Variants in JOSD1 observed in about 807,000 individuals in gnomAD.
JOSD1 encodes josephin-1.
A neutral mutation model predicts 24.3 loss-of-function variants in JOSD1; 11 were observed. That is an observed-to-expected ratio of 0.45 (90% confidence interval 0.29 to 0.75). The LOEUF is 0.75. JOSD1 is among the 30% of genes least tolerant of loss of function. The pLI is 0.11. For synonymous variants in JOSD1, 106 were observed against 93.8 expected, an observed-to-expected ratio of 1.13 and a Z score of -0.75; for missense variants, 184 against 253.5, an observed-to-expected ratio of 0.73 and a Z score of 1.86.
rs965926165 is a variant in JOSD1, at chr22:38,686,748, T to C, written c.*1154A>G. The C allele has an allele frequency of 6.6e-6, 1 of 152,202 alleles. No homozygotes were observed. The highest frequency in any genetic ancestry group is 6.5e-5 in the Admixed American group (1 of 15,272). 9.4% of individuals were successfully genotyped at this position (152,202 alleles called of 1,614,324 possible). ...GGCTGCCCCTACTCCAAGAAGCCTG[T>C]CTTCACAATACTTTCCTCACCCAAC... On this transcript the variant is annotated 3_prime_UTR_variant, in exon 5 of 5. Transcript: ENST00000683374.
At chr22:38,689,481 C>A in intron 2 of JOSD1, 57 bp from the exon 3 acceptor site, 1 of 1,604,560 alleles carries the variant, frequency 6.2e-7, no homozygotes, top group Non-Finnish European at 8.5e-7. Flanking sequence ...CCCCCTGACC[C>A]CGCACTACCA....
chr22:38,687,713 T>C lies in JOSD1; in HGVS notation c.*189A>G, dbSNP rs948829461. 5 of 559,762 alleles carry C rather than the reference T, an allele frequency of 8.9e-6. No homozygotes were observed. The highest frequency in any genetic ancestry group is 7.6e-5 in the African/African-American group (4 of 52,532). The allele number at this position is 559,762 out of a possible 1,614,324, so 34.7% of individuals were successfully genotyped here. On this transcript the variant is annotated 3_prime_UTR_variant, in exon 5 of 5. Transcript: ENST00000683374. ...AAGTGCACAGAACTCCTACCTTCCT[T>C]GCCCAGGAACAAAACACTGAGTAGT...
intron 2 of JOSD1, among the ~76,000 whole-genome samples, chr22:38,691,995 T>G (rs907102615): frequency 2.0e-5 from 3 of 152,206 alleles, no homozygotes; most frequent in Non-Finnish European, 4.4e-5. Context: ...CAGTGTTTAT[T>G]TTTGTTGTCC....
chr22:38,698,910 C>A (rs551754255), intron 2 of JOSD1, among the ~76,000 whole-genome samples: 29 of 152,284 alleles, frequency 1.9e-4, no homozygotes, highest in Non-Finnish European at 3.8e-4. Flanking sequence ...GCGTGCACCA[C>A]CACACCGGGC....
intron 2 of JOSD1, among the ~76,000 whole-genome samples, chr22:38,694,708 A>G (rs1452414579): frequency 2.0e-5 from 3 of 151,954 alleles, no homozygotes; most frequent in Non-Finnish European, 4.4e-5. Flanking sequence ...TAAAAATACA[A>G]AAAAGTAGCC....
At position 38,687,911 on chromosome 22, in the gene JOSD1, G is replaced by A. The variant is rs771930267; in HGVS notation, c.600C>T (p.Thr200=). 1.6e-5 allele frequency: 25 copies of A among 1,610,512 alleles called. No homozygotes were observed. The East Asian group carries it at 3.6e-4, about 23-fold the overall frequency. The change falls in exon 5 of 5, where the codon ACC becomes ACT. Residue 200 remains threonine, a synonymous_variant. Coordinates refer to ENST00000683374, the MANE Select transcript of JOSD1 (RefSeq NM_001360236.2). ...EEVEAHQSWR[T]DV ...AGGTTGGGCAGAACTGTTACACATC[G>A]GTCCTCCAACTCTGATGAGCCTCTA... is the stretch of plus-strand genomic sequence containing the variant.
At chr22:38,700,955 GGCGC>G, upstream of JOSD1, 1 of 984,836 alleles carries the variant, frequency 1.0e-6, no homozygotes, top group African/African-American at 1.7e-5. Context: ...CGTGCGGGCG[GGCGC>G]GCGCACCTGA....
rs2092497377 is a variant in JOSD1, at chr22:38,686,280, A to G, written c.*1622T>C. ...GTGCAGAAAAAGTGCTGGTGTCAAC[A>G]TGCACTCCAGTCACAGGGGGGAGAA... On this transcript the variant is annotated 3_prime_UTR_variant, in exon 5 of 5. Transcript: ENST00000683374. 1 of 152,548 alleles carries G rather than the reference A, an allele frequency of 6.6e-6. No individual in the cohort carries two copies. Among genetic ancestry groups the G allele is most frequent in the Admixed American group, 6.6e-5 (1 of 15,264 alleles). The allele number at this position is 152,548 out of a possible 1,614,324, so 9.4% of individuals were successfully genotyped here.
At position 38,699,399 on chromosome 22, in the gene JOSD1, A is replaced by C. The variant is rs188755197; in HGVS notation, c.185+404T>G. Among the ~76,000 whole-genome samples, 497 of 152,352 alleles carry C rather than the reference A, an allele frequency of 3.3e-3. 1 individual carries two copies. Among genetic ancestry groups the C allele is most frequent in the African/African-American group, 0.011 (467 of 41,570 alleles). On this transcript the variant is annotated intron_variant, in intron 2 of 4. Coordinates refer to ENST00000683374, the MANE Select transcript of JOSD1 (RefSeq NM_001360236.2). ...GTATCTAGTCCCACTTCTAGACTGT[A>C]AACTCCTCGGCAGCAGAGCTTTACA...
At chr22:38,699,305 A>G (rs1290574126) in intron 2 of JOSD1, among the ~76,000 whole-genome samples, 3 of 152,236 alleles carry the variant, frequency 2.0e-5, no homozygotes, top group Non-Finnish European at 4.4e-5. Flanking sequence ...AAAGCTGAGC[A>G]TTGTTTATAC....
intron 2 of JOSD1, among the ~76,000 whole-genome samples, chr22:38,692,118 A>G (rs1380446682): frequency 1.3e-5 from 2 of 152,216 alleles, no homozygotes; most frequent in Non-Finnish European, 2.9e-5. Context: ...AATAATAACT[A>G]TAACTTATTG....
At chr22:38,692,805 A>G (rs937214094) in intron 2 of JOSD1, among the ~76,000 whole-genome samples, 2 of 147,672 alleles carry the variant, frequency 1.4e-5, no homozygotes, top group African/African-American at 5.1e-5. Flanking sequence ...AAAAAAAAAA[A>G]GAAAGAAAAA....
At chr22:38,695,308 A>G (rs1374321841) in intron 2 of JOSD1, among the ~76,000 whole-genome samples, 1 of 152,150 alleles carries the variant, frequency 6.6e-6, no homozygotes, top group Non-Finnish European at 1.5e-5. Flanking sequence ...CTGCTCAAGG[A>G]CTATGTAATG....
At chr22:38,698,807 T>G (rs189791674) in intron 2 of JOSD1, among the ~76,000 whole-genome samples, 11 of 152,190 alleles carry the variant, frequency 7.2e-5, no homozygotes, top group Non-Finnish European at 1.3e-4. Flanking sequence ...CAGGCTGGAG[T>G]GCAGAGTGGT....
chr22:38,690,449 C>G (rs1434119407), intron 2 of JOSD1, among the ~76,000 whole-genome samples: 1 of 151,682 alleles, frequency 6.6e-6, no homozygotes, highest in Non-Finnish European at 1.5e-5. Flanking sequence ...GTCGCCCAGG[C>G]TGGAGTGTGA....
upstream of JOSD1, chr22:38,701,214 C>G (rs187538980): frequency 6.5e-6 from 1 of 154,384 alleles, no homozygotes; most frequent in Admixed American, 6.5e-5. Context: ...CCAGCCGCTC[C>G]GCTCGGCGCG....
chr22:38,698,791 G>A (rs977763762), intron 2 of JOSD1, among the ~76,000 whole-genome samples: 3 of 152,066 alleles, frequency 2.0e-5, no homozygotes, highest in Non-Finnish European at 2.9e-5. Flanking sequence ...TCCGAGACCC[G>A]TCACCCAGGC....
At chr22:38,689,531 G>T (rs2092512761) in intron 2 of JOSD1, 107 bp from the exon 3 acceptor site, 1 of 1,416,158 alleles carries the variant, frequency 7.1e-7, no homozygotes, top group Non-Finnish European at 9.6e-7. Context: ...CTGGAAGTTA[G>T]TTTCCCCACA....
chr22:38,698,813 G>GT (rs1471254482), intron 2 of JOSD1, among the ~76,000 whole-genome samples: 4 of 152,152 alleles, frequency 2.6e-5, no homozygotes, highest in African/African-American at 9.7e-5. Flanking sequence ...GGAGTGCAGA[G>GT]TGGTGCAATC....
Sources: allele counts gnomAD v4.1 joint callset (sites outside exome capture counted in the v4.1 genomes callset), GRCh38; gene constraint gnomAD v4.1.1; transcripts MANE v1.5; gene names NCBI Gene and HGNC (gene_info 2026-07-23, HGNC 2026-07-21).